Variants in PPP3R1 observed in about 807,000 individuals in gnomAD.
The protein encoded by PPP3R1 is protein phosphatase 3 regulatory subunit B, alpha.
Under a neutral mutation model 22.6 loss-of-function variants are expected in PPP3R1, and 5 were observed. That is an observed-to-expected ratio of 0.22 (90% CI 0.12 to 0.46). PPP3R1 has a LOEUF of 0.46. Ranked by LOEUF, PPP3R1 falls within the 20% of genes least tolerant of loss-of-function variation. PPP3R1 has a pLI of 0.99. For missense variants in PPP3R1, 61 were observed against 203.2 expected, an observed-to-expected ratio of 0.30 and a Z score of 4.25; for synonymous variants, 56 against 65.2, an observed-to-expected ratio of 0.86 and a Z score of 0.68.
intron 2 of PPP3R1, among the ~76,000 whole-genome samples, chr2:68,216,477 TAAAA>T (rs757456785): frequency 0.38 from 56,628 of 150,068 alleles, 11,589 homozygotes; most frequent in South Asian, 0.62. Flanking sequence ...AATTAAAAAT[TAAAA>T]AAAAAAAAGG....
Position 68,183,018 on chromosome 2 carries a change from G to A in PPP3R1, c.466-2008C>T, listed in dbSNP as rs112277717. Among the ~76,000 whole-genome samples the A allele has an allele frequency of 1.1e-4, 16 of 152,198 alleles. 1 individual carries two copies. The highest frequency in any genetic ancestry group is 3.6e-4 in the African/African-American group (15 of 41,526). ...TGTCTCCAGGCCTGTCATCTCTGGCGCTCTTCATCATATTGGGGATCCTCC... is the reference window on the plus strand; with the variant it reads ...TGTCTCCAGGCCTGTCATCTCTGGCACTCTTCATCATATTGGGGATCCTCC... On this transcript the variant is annotated intron_variant, in intron 5 of 5. Coordinates refer to ENST00000234310, the MANE Select transcript of PPP3R1 (RefSeq NM_000945.4).
In PPP3R1 at chr2:68,180,337, AAAT is replaced by A. The variant is rs1248600465; in HGVS notation, c.*623_*625del. 2.6e-5 allele frequency: 4 copies of A among 152,662 alleles called. No individual in the cohort carries two copies. The highest frequency in any genetic ancestry group is 9.6e-5 in the African/African-American group (4 of 41,462). The allele number at this position is 152,662 out of a possible 1,614,324, so 9.5% of individuals were successfully genotyped here. On this transcript the variant is annotated 3_prime_UTR_variant, in exon 6 of 6. Coordinates refer to ENST00000234310, the MANE Select transcript of PPP3R1 (RefSeq NM_000945.4). ...AGTCCCTGGATATATTCATAAGTATAAATAAAGTTACAGACTCCTTTGTTACAA... is the reference window on the plus strand; with the variant it reads ...AGTCCCTGGATATATTCATAAGTATAAAAGTTACAGACTCCTTTGTTACAA...
intron 1 of PPP3R1, among the ~76,000 whole-genome samples, chr2:68,224,943 A>AT: frequency 6.6e-6 from 1 of 152,266 alleles, no homozygotes; most frequent in East Asian, 1.9e-4. Flanking sequence ...AAGACATTTA[A>AT]TATCACTAGA....
At chr2:68,192,238 A>T (rs1674681011) in intron 2 of PPP3R1, among the ~76,000 whole-genome samples, 1 of 152,086 alleles carries the variant, frequency 6.6e-6, no homozygotes, top group African/African-American at 2.4e-5. Context: ...TTAGTTAATT[A>T]TTTTCTTCTT....
chr2:68,220,788 T>G (rs55801147), intron 1 of PPP3R1, among the ~76,000 whole-genome samples: 1 of 151,928 alleles, frequency 6.6e-6, no homozygotes, highest in African/African-American at 2.4e-5. Context: ...TCCATTTATA[T>G]GAAATATACT....
intron 2 of PPP3R1, among the ~76,000 whole-genome samples, chr2:68,211,932 T>C (rs1226853301): frequency 6.6e-6 from 1 of 152,206 alleles, no homozygotes; most frequent in Non-Finnish European, 1.5e-5. Flanking sequence ...TCTGCAGTTA[T>C]TTCCACCATG....
At chr2:68,214,941 G>C (rs1433874170) in intron 2 of PPP3R1, among the ~76,000 whole-genome samples, 2 of 152,068 alleles carry the variant, frequency 1.3e-5, no homozygotes. Flanking sequence ...ATACACCATG[G>C]TATACTACGC....
At chr2:68,211,733 T>C (rs1365554762) in intron 2 of PPP3R1, among the ~76,000 whole-genome samples, 1 of 152,244 alleles carries the variant, frequency 6.6e-6, no homozygotes, top group Non-Finnish European at 1.5e-5. Flanking sequence ...ATATTCTAAA[T>C]TCTTTGTTGT....
chr2:68,198,324 CATATGT>C (rs1558631047), intron 2 of PPP3R1, among the ~76,000 whole-genome samples: 54 of 96,120 alleles, frequency 5.6e-4, no homozygotes, highest in African/African-American at 2.8e-3. Context: ...TATGTATATA[CATATGT>C]ACATATATGT....
intron 1 of PPP3R1, among the ~76,000 whole-genome samples, chr2:68,229,984 AC>A (rs1669861676): frequency 1.9e-5 from 1 of 52,194 alleles, no homozygotes; most frequent in African/African-American, 8.6e-5. Context: ...ACACACACAC[AC>A]ACACACACAC....
At chr2:68,230,011 C>CACACACACACACACAT (rs1421392496) in intron 1 of PPP3R1, among the ~76,000 whole-genome samples, 135 of 139,630 alleles carry the variant, frequency 9.7e-4, no homozygotes, top group African/African-American at 3.1e-3. Context: ...CACACACACA[C>CACACACACACACACAT]ATATATATTT....
At chr2:68,191,821 G>A (rs1439586652) in intron 2 of PPP3R1, among the ~76,000 whole-genome samples, 2 of 152,052 alleles carry the variant, frequency 1.3e-5, no homozygotes, top group Non-Finnish European at 2.9e-5. Flanking sequence ...TGGAATATGT[G>A]ACATAACTGC....
intron 2 of PPP3R1, among the ~76,000 whole-genome samples, chr2:68,215,001 G>A (rs1319546108): frequency 4.6e-5 from 7 of 152,134 alleles, no homozygotes; most frequent in South Asian, 2.1e-4. Context: ...GGATGCAGCC[G>A]GAAACCATTA....
At chr2:68,198,693 T>G (rs985178229) in intron 2 of PPP3R1, among the ~76,000 whole-genome samples, 1 of 152,074 alleles carries the variant, frequency 6.6e-6, no homozygotes, top group Non-Finnish European at 1.5e-5. Flanking sequence ...GAATTAACCA[T>G]CAGTTTGCTA....
intron 1 of PPP3R1, among the ~76,000 whole-genome samples, chr2:68,218,006 T>A (rs1175677604): frequency 6.6e-6 from 1 of 152,118 alleles, no homozygotes; most frequent in Non-Finnish European, 1.5e-5. Context: ...TCTCAAGTAG[T>A]ATAACAGACT....
chr2:68,197,834 T>C (rs1208151305), intron 2 of PPP3R1, among the ~76,000 whole-genome samples: 3 of 151,866 alleles, frequency 2.0e-5, no homozygotes, highest in African/African-American at 7.3e-5. Flanking sequence ...TAGAATTTTT[T>C]CCCTTTATGA....
At chr2:68,231,221 T>C (rs1266722838) in intron 1 of PPP3R1, among the ~76,000 whole-genome samples, 1 of 152,194 alleles carries the variant, frequency 6.6e-6, no homozygotes, top group Non-Finnish European at 1.5e-5. Flanking sequence ...TTCTGCCTGC[T>C]AGTTCACTGA....
intron 2 of PPP3R1, among the ~76,000 whole-genome samples, chr2:68,195,156 G>C (rs1357914375): frequency 6.6e-6 from 1 of 152,118 alleles, no homozygotes; most frequent in Non-Finnish European, 1.5e-5. Flanking sequence ...GGGTATTCAA[G>C]AACTCTATTA....
intron 1 of PPP3R1, among the ~76,000 whole-genome samples, chr2:68,223,176 C>T (rs1368169169): frequency 6.6e-6 from 1 of 152,154 alleles, no homozygotes; most frequent in Non-Finnish European, 1.5e-5. Flanking sequence ...AGGAGTATCA[C>T]TTAAGGTCAG....
Sources: allele counts gnomAD v4.1 joint callset (sites outside exome capture counted in the v4.1 genomes callset), GRCh38; gene constraint gnomAD v4.1.1; transcripts MANE v1.5; gene names NCBI Gene and HGNC (gene_info 2026-07-23, HGNC 2026-07-21).